The following ROBO1 variants were observed in gnomAD, a reference collection of about 807,000 sequenced individuals.
ROBO1 encodes the protein roundabout guidance receptor 1.
Under a neutral mutation model 195.9 loss-of-function variants are expected in ROBO1, and 149 were observed. The observed-to-expected ratio is 0.76, with a 90% CI of 0.67 to 0.87. The LOEUF (loss-of-function observed/expected upper bound fraction) is 0.87. Among genes scored for constraint, ROBO1 ranks in the 40% least tolerant of loss-of-function variants. The pLI is 0.00. For synonymous variants in ROBO1, 816 were observed against 733.2 expected (o/e 1.11, Z -1.82); for missense variants, 1,933 against 2,068.3 (o/e 0.93, Z 1.27).
At chr3:79,256,547 T>C (rs2082837678) in intron 2 of ROBO1, among the ~76,000 whole-genome samples, 1 of 152,142 alleles carries the variant, frequency 6.6e-6, no homozygotes, top group Non-Finnish European at 1.5e-5. Flanking sequence ...ACAACTTTCA[T>C]TAATAAGACA....
chr3:79,016,484 A>T (rs922065003), intron 3 of ROBO1, among the ~76,000 whole-genome samples: 2 of 152,220 alleles, frequency 1.3e-5, no homozygotes, highest in Non-Finnish European at 2.9e-5. Context: ...GTGTAGCTCT[A>T]ACATTATAAT....
At chr3:79,405,912 G>A (rs1029861883) in intron 2 of ROBO1, among the ~76,000 whole-genome samples, 31 of 152,030 alleles carry the variant, frequency 2.0e-4, no homozygotes, top group Admixed American at 2.0e-3. Flanking sequence ...TAAAGAAGAG[G>A]AAAAAACTGT....
At chr3:79,730,422 A>G (rs1322236179) in intron 1 of ROBO1, among the ~76,000 whole-genome samples, 3 of 152,182 alleles carry the variant, frequency 2.0e-5, no homozygotes, top group Non-Finnish European at 4.4e-5. Context: ...AAAGTGATAT[A>G]TATGATCAAA....
intron 10 of ROBO1, among the ~76,000 whole-genome samples, chr3:78,673,562 T>TATATATATATA (rs1708201366): frequency 1.6e-5 from 1 of 63,366 alleles, no homozygotes; most frequent in Non-Finnish European, 3.2e-5. Flanking sequence ...TACATATATT[T>TATATATATATA]TATATATATA....
intron 2 of ROBO1, among the ~76,000 whole-genome samples, chr3:79,453,660 C>T (rs761632522): frequency 1.3e-5 from 2 of 152,008 alleles, no homozygotes; most frequent in African/African-American, 2.4e-5. Context: ...TAAAGACTCA[C>T]ATCAAAAGCC....
chr3:78,842,675 AG>A (rs993228401), intron 4 of ROBO1, among the ~76,000 whole-genome samples: 2 of 150,952 alleles, frequency 1.3e-5, no homozygotes, highest in Non-Finnish European at 3.0e-5. Flanking sequence ...GTACATTAAA[AG>A]TATATTGATA....
rs148544421 is a variant in ROBO1, at chr3:79,402,679, T to C, written c.88+187145A>G. ...AGAGATCATGCCAGTTCTCACAACA[T>C]ATGCATGGAAGAGTTGGGTTTGGAT... On this transcript the variant is annotated intron_variant, in intron 2 of 30. Transcript: ENST00000464233. 1.7e-4 allele frequency among the ~76,000 whole-genome samples: 26 copies of C among 152,056 alleles called. No homozygotes were observed. The East Asian group carries it at 3.7e-3, about 21-fold the overall frequency.
chr3:79,046,715 C>T (rs2078601212), intron 3 of ROBO1, among the ~76,000 whole-genome samples: 1 of 152,028 alleles, frequency 6.6e-6, no homozygotes, highest in African/African-American at 2.4e-5. Context: ...TGTTCGCTGG[C>T]AGCTGATTAG....
chr3:78,786,337 C>T (rs1393647327), intron 4 of ROBO1, among the ~76,000 whole-genome samples: 1 of 152,106 alleles, frequency 6.6e-6, no homozygotes, highest in Non-Finnish European at 1.5e-5. Flanking sequence ...CTTTATAAAA[C>T]AAGTTTCAGT....
intron 4 of ROBO1, among the ~76,000 whole-genome samples, chr3:78,802,961 T>C (rs1252025438): frequency 2.0e-5 from 3 of 152,180 alleles, no homozygotes; most frequent in Non-Finnish European, 4.4e-5. Context: ...TTCTGAATGA[T>C]ACTGCCTTCA....
intron 1 of ROBO1, among the ~76,000 whole-genome samples, chr3:79,694,484 C>T (rs913258983): frequency 7.2e-5 from 11 of 151,892 alleles, no homozygotes; most frequent in Admixed American, 5.9e-4. Flanking sequence ...CTGTTCTGCT[C>T]TTACATTCTG....
chr3:78,896,620 C>T (rs1347939246), intron 4 of ROBO1, among the ~76,000 whole-genome samples: 1 of 143,622 alleles, frequency 7.0e-6, no homozygotes, highest in African/African-American at 2.6e-5. Context: ...GGACTCAGCC[C>T]GCCTGCACCC....
intron 1 of ROBO1, among the ~76,000 whole-genome samples, chr3:79,603,331 A>G (rs1036048962): frequency 6.6e-6 from 1 of 151,976 alleles, no homozygotes; most frequent in African/African-American, 2.4e-5. Context: ...AAACAAGCCA[A>G]GCCAATCACA....
intron 4 of ROBO1, among the ~76,000 whole-genome samples, chr3:78,804,309 T>C (rs1422805239): frequency 6.6e-6 from 1 of 152,166 alleles, no homozygotes; most frequent in African/African-American, 2.4e-5. Flanking sequence ...CTCTGATTTT[T>C]TTTTCTCCAG....
intron 2 of ROBO1, among the ~76,000 whole-genome samples, chr3:79,225,650 G>A (rs1287474050): frequency 6.6e-6 from 1 of 152,086 alleles, no homozygotes; most frequent in African/African-American, 2.4e-5. Context: ...TAATGGGTTG[G>A]TTCCTCCACA....
chr3:79,766,015 G>C (rs1321922208), intron 1 of ROBO1, among the ~76,000 whole-genome samples: 1 of 152,036 alleles, frequency 6.6e-6, no homozygotes, highest in African/African-American at 2.4e-5. Context: ...ACTCCTTGGC[G>C]GGGCGTGAAA....
intron 2 of ROBO1, among the ~76,000 whole-genome samples, chr3:79,394,588 C>G (rs570952345): frequency 6.6e-6 from 1 of 151,806 alleles, no homozygotes; most frequent in South Asian, 2.1e-4. Context: ...AATATGGAAG[C>G]GACTGTATAG....
At chr3:78,784,943 A>C (rs1178962040) in intron 4 of ROBO1, among the ~76,000 whole-genome samples, 1 of 152,196 alleles carries the variant, frequency 6.6e-6, no homozygotes, top group Non-Finnish European at 1.5e-5. Context: ...CACAAAAAGC[A>C]TTACTAAAGC....
At chr3:79,277,593 A>G (rs1228420168) in intron 2 of ROBO1, among the ~76,000 whole-genome samples, 20 of 152,182 alleles carry the variant, frequency 1.3e-4, no homozygotes, top group Non-Finnish European at 4.4e-5. Context: ...ACAATAATTT[A>G]TTGTACATTT....
Sources: gnomAD v4.1 joint callset for allele counts (sites outside exome capture counted in the v4.1 genomes callset) on GRCh38, gnomAD v4.1.1 for gene constraint, MANE v1.5 for transcripts, NCBI Gene and HGNC (gene_info 2026-07-23, HGNC 2026-07-21) for gene names.